The following TRMT11 variants were observed in gnomAD, a reference collection of about 807,000 sequenced individuals.
The protein encoded by TRMT11 is tRNA (guanine(10)-N(2))-methyltransferase TRMT11.
A neutral mutation model predicts 62.8 loss-of-function variants in TRMT11; 53 were observed. The observed-to-expected ratio is 0.84, with a 90% CI of 0.68 to 1.06. The LOEUF is 1.06. Ranked by LOEUF, TRMT11 falls within the 50% of genes least tolerant of loss-of-function variation. TRMT11 has a pLI of 0.00. For synonymous variants in TRMT11, 188 were observed against 190.3 expected (o/e 0.99, Z 0.10); for missense variants, 556 against 553.4 (o/e 1.00, Z -0.05).
chr6:126,145,351 A>G (rs1777962057), intron 21 of TRMT11, among the ~76,000 whole-genome samples: 1 of 152,220 alleles, frequency 6.6e-6, no homozygotes, highest in South Asian at 2.1e-4. Flanking sequence ...GAGAGCACAG[A>G]GAAATGGTAG....
At chr6:126,126,454 T>C (rs771589409) in intron 21 of TRMT11, among the ~76,000 whole-genome samples, 8 of 152,156 alleles carry the variant, frequency 5.3e-5, no homozygotes. Context: ...ATTTATTTGA[T>C]TTCTGGCCCT....
At chr6:126,180,136 AT>A (rs1220656082) in intron 1 of TRMT11, among the ~76,000 whole-genome samples, 1 of 152,200 alleles carries the variant, frequency 6.6e-6, no homozygotes, top group East Asian at 1.9e-4. Flanking sequence ...CAAAACTTCA[AT>A]CATTGTATTT....
intron 17 of TRMT11, among the ~76,000 whole-genome samples, chr6:126,062,252 C>T (rs748852012): frequency 3.9e-5 from 6 of 152,106 alleles, no homozygotes; most frequent in African/African-American, 9.7e-5. Flanking sequence ...ACCAAAGAAT[C>T]GTAGCTGAGC....
chr6:126,250,127 A>G, the TRMT11 span, among the ~76,000 whole-genome samples: 3 of 152,226 alleles, frequency 2.0e-5, no homozygotes, highest in African/African-American at 7.2e-5. Context: ...AATGATATGT[A>G]TATGCTATTA....
intron 1 of TRMT11, among the ~76,000 whole-genome samples, chr6:125,989,080 C>T (rs1790160327): frequency 1.4e-5 from 2 of 146,358 alleles, no homozygotes; most frequent in African/African-American, 5.1e-5. Context: ...GTGGTAAGAT[C>T]TAGATTTGCA....
At chr6:125,989,716 T>G (rs976557156) in intron 1 of TRMT11, among the ~76,000 whole-genome samples, 2 of 152,240 alleles carry the variant, frequency 1.3e-5, no homozygotes, top group Non-Finnish European at 2.9e-5. Context: ...TGTGCCAGTT[T>G]ATTCTTCCAA....
intron 17 of TRMT11, among the ~76,000 whole-genome samples, chr6:126,106,746 A>G (rs1777468622): frequency 6.6e-6 from 1 of 152,172 alleles, no homozygotes; most frequent in Non-Finnish European, 1.5e-5. Context: ...GCAGCTATCC[A>G]TATAAAGAGC....
At chr6:126,169,587 T>G (rs570596724) in intron 21 of TRMT11, among the ~76,000 whole-genome samples, 1 of 152,354 alleles carries the variant, frequency 6.6e-6, no homozygotes, top group African/African-American at 2.4e-5. Flanking sequence ...CAAAAAAGCC[T>G]GTCTCTCATG....
intron 17 of TRMT11, among the ~76,000 whole-genome samples, chr6:126,091,510 C>A (rs910590289): frequency 6.6e-6 from 1 of 152,124 alleles, no homozygotes; most frequent in Non-Finnish European, 1.5e-5. Context: ...TCTCTCTAAA[C>A]CTGTTCTGGT....
intron 17 of TRMT11, among the ~76,000 whole-genome samples, chr6:126,098,555 G>T (rs1777363896): frequency 6.6e-6 from 1 of 152,142 alleles, no homozygotes; most frequent in African/African-American, 2.4e-5. Flanking sequence ...CAACCTGTTT[G>T]CATCCTCTCC....
intron 7 of TRMT11, among the ~76,000 whole-genome samples, chr6:126,000,882 T>A (rs1289410613): frequency 2.0e-5 from 3 of 152,156 alleles, no homozygotes; most frequent in Non-Finnish European, 4.4e-5. Context: ...AATTTTAAAC[T>A]TTTTATTGGA....
chr6:126,105,440 C>T (rs1029107464), intron 17 of TRMT11, among the ~76,000 whole-genome samples: 5 of 152,104 alleles, frequency 3.3e-5, no homozygotes, highest in Non-Finnish European at 7.4e-5. Flanking sequence ...TCAGAAGGGA[C>T]GTGGGTTGAT....
chr6:126,042,796 A>G (rs1323814292), downstream of TRMT11, among the ~76,000 whole-genome samples: 1 of 152,176 alleles, frequency 6.6e-6, no homozygotes, highest in Non-Finnish European at 1.5e-5. Flanking sequence ...GGCTGAGGAG[A>G]AAATTAAAAT....
chr6:126,129,443 C>G (rs1343945643), intron 21 of TRMT11, among the ~76,000 whole-genome samples: 1 of 152,126 alleles, frequency 6.6e-6, no homozygotes, highest in Non-Finnish European at 1.5e-5. Flanking sequence ...AAATTACAAA[C>G]CAACCCCTCA....
chr6:126,188,363 A>T (rs1778550834), intron 1 of TRMT11, among the ~76,000 whole-genome samples: 1 of 152,064 alleles, frequency 6.6e-6, no homozygotes, highest in Non-Finnish European at 1.5e-5. Flanking sequence ...GAATGATAAA[A>T]ATTAAACACA....
intron 7 of TRMT11, among the ~76,000 whole-genome samples, chr6:126,001,751 T>C (rs1399408586): frequency 6.6e-6 from 1 of 152,038 alleles, no homozygotes; most frequent in East Asian, 1.9e-4. Context: ...CCTGAACCAG[T>C]TTTTACTTTG....
intron 21 of TRMT11, among the ~76,000 whole-genome samples, chr6:126,144,636 T>C (rs2128217611): frequency 6.6e-6 from 1 of 152,302 alleles, no homozygotes; most frequent in South Asian, 2.1e-4. Context: ...TGTCCCTTTT[T>C]TTCTTATCAG....
intron 17 of TRMT11, among the ~76,000 whole-genome samples, chr6:126,079,317 T>C (rs1777106428): frequency 6.6e-6 from 1 of 152,184 alleles, no homozygotes; most frequent in Non-Finnish European, 1.5e-5. Flanking sequence ...ACCATGCTCT[T>C]GTGAGCTGGA....
chr6:125,995,721 C>T (rs1791392746), intron 2 of TRMT11, among the ~76,000 whole-genome samples: 1 of 152,116 alleles, frequency 6.6e-6, no homozygotes, highest in African/African-American at 2.4e-5. Flanking sequence ...CATAAAAGGG[C>T]AGATACAAAA....
Sources: allele counts gnomAD v4.1 joint callset (sites outside exome capture counted in the v4.1 genomes callset), GRCh38; gene constraint gnomAD v4.1.1; transcripts MANE v1.5; gene names NCBI Gene and HGNC (gene_info 2026-07-23, HGNC 2026-07-21).